The following STARD9 variants were observed in gnomAD, a reference collection of about 807,000 sequenced individuals.
STARD9 encodes StAR related lipid transfer domain containing 9.
STARD9 carries 346 observed loss-of-function variants against 399.8 expected under a neutral mutation model. The ratio of observed to expected loss-of-function variants is 0.87; its 90% CI spans 0.79 to 0.95. The LOEUF is 0.95. STARD9 is among the 40% of genes least tolerant of loss of function. The pLI, the probability that STARD9 is intolerant of heterozygous loss-of-function variation, is 0.00. For synonymous variants in STARD9, 2,203 were observed against 2,143.5 expected, an observed-to-expected ratio of 1.03 and a Z score of -0.77; for missense variants, 5,832 against 5,667.5, an observed-to-expected ratio of 1.03 and a Z score of -0.93.
chr15:42,665,908 C>G, intron 15 of STARD9, 60 bp downstream of exon 15: 1 of 1,404,286 alleles, frequency 7.1e-7, no homozygotes, highest in Non-Finnish European at 9.7e-7. Flanking sequence ...CTCCATTATT[C>G]CGGAGCTAGG....
chr15:42,687,531 C>T lies in STARD9; in HGVS notation c.5953C>T (p.Leu1985Phe). 1 of 1,537,004 alleles carries T rather than the reference C, an allele frequency of 6.5e-7. No individual in the cohort carries two copies. Among genetic ancestry groups the T allele is most frequent in the African/African-American group, 1.4e-5 (1 of 73,168 alleles). Reference protein sequence around the residue: ...KNETGLLEKGLRPKDSSEEFK... With the variant: ...KNETGLLEKGFRPKDSSEEFK... The stretch of plus-strand genomic sequence containing the variant: ...TGAAACTGGGCTTCTTGAAAAAGGT[C>T]TTCGTCCCAAAGATAGCTCAGAAGA... Residue 1985 changes from leucine to phenylalanine, a missense_variant, in exon 23 of 33, where the codon CTT becomes TTT. Coordinates refer to ENST00000290607, the MANE Select transcript of STARD9 (RefSeq NM_020759.3).
chr15:42,601,390 G>A (rs2058622026), intron 3 of STARD9, among the ~76,000 whole-genome samples: 1 of 151,944 alleles, frequency 6.6e-6, no homozygotes, highest in Admixed American at 6.6e-5. Context: ...TACACCTCCC[G>A]ACGGGGTGGC....
chr15:42,709,147 G>A (rs141445309), intron 26 of STARD9, among the ~76,000 whole-genome samples: 2 of 152,090 alleles, frequency 1.3e-5, no homozygotes, highest in African/African-American at 2.4e-5. Flanking sequence ...TGTAATCCCA[G>A]TGCTTTGGAA....
rs1437654280 is a variant in STARD9, at chr15:42,686,437, A to C, written c.4859A>C (p.Glu1620Ala). 5 of 1,537,772 alleles carry C rather than the reference A, an allele frequency of 3.3e-6. No homozygotes were observed. Among genetic ancestry groups the C allele is most frequent in the Non-Finnish European group, 4.4e-6 (5 of 1,147,032 alleles). ...TENAIPDSMT[E>A]ACEVKQNNLE... ...AACGCGATACCAGATTCCATGACAG[A>C]AGCATGTGAAGTCAAGCAGAACAAC... is the stretch of plus-strand genomic sequence containing the variant. Residue 1620 changes from glutamate to alanine, a missense_variant, in exon 23 of 33, where the codon GAA (glutamate) becomes GCA (alanine). Glu to Ala is a moderately radical substitution (Grantham distance 107). Around this residue, in one of 2 missense-constraint regions of STARD9, gnomAD observed 5,828 missense variants for 5,651.1 expected, o/e 1.03. Coordinates refer to ENST00000290607, the MANE Select transcript of STARD9 (RefSeq NM_020759.3).
chr15:42,650,129 C>G (rs1566903775), intron 7 of STARD9, among the ~76,000 whole-genome samples: 1 of 152,132 alleles, frequency 6.6e-6, no homozygotes, highest in Non-Finnish European at 1.5e-5. Flanking sequence ...TCCCAAAGTG[C>G]TGGGATTACA....
chr15:42,682,366 CA>C lies in STARD9; in HGVS notation c.2333del (p.Lys778SerfsTer48). 2.6e-6 allele frequency: 4 copies of C among 1,537,248 alleles called. No individual in the cohort carries two copies. The highest frequency in any genetic ancestry group is 3.5e-6 in the Non-Finnish European group (4 of 1,146,902). Reference sequence around the variant, plus strand: ...TCTCATTCCAGCTAGAGAGAATCATCAAAAAGCAGAGGCTGCTGGAGGCCCA... The same window carrying C: ...TCTCATTCCAGCTAGAGAGAATCATCAAAAGCAGAGGCTGCTGGAGGCCCA... ...KVSFQLERII[K>X]KQRLLEAQKR... On this transcript the variant is annotated frameshift_variant, in exon 22 of 33. Transcript: ENST00000290607. LOFTEE classifies it high-confidence loss of function.
chr15:42,654,780 G>A (rs2059831702), intron 9 of STARD9, among the ~76,000 whole-genome samples: 1 of 152,126 alleles, frequency 6.6e-6, no homozygotes, highest in Non-Finnish European at 1.5e-5. Flanking sequence ...AATCATATAT[G>A]ACACAAACAA....
chr15:42,680,935 A>G (rs1033736309), intron 20 of STARD9, among the ~76,000 whole-genome samples: 1 of 152,188 alleles, frequency 6.6e-6, no homozygotes, highest in Non-Finnish European at 1.5e-5. Context: ...TTTTGCTACC[A>G]GATCACAGAG....
Position 42,693,636 on chromosome 15 carries a change from C to CT in STARD9, c.12059dup (p.Arg4021GlufsTer14). 6.5e-7 allele frequency: 1 copy of CT among 1,537,274 alleles called. No individual in the cohort carries two copies. The highest frequency in any genetic ancestry group is 1.2e-5 in the South Asian group (1 of 84,062). On this transcript the variant is annotated frameshift_variant, in exon 23 of 33. Transcript: ENST00000290607. LOFTEE classifies it high-confidence loss of function. ...CCAAAGCAGACTGCTGCCACCACCA[C>CT]TGAGGCACAGGAGCCAAAGGCTGGG...
At chr15:42,581,557 T>G (rs1377660364) in intron 1 of STARD9, 1 of 1,073,790 alleles carries the variant, frequency 9.3e-7, no homozygotes, top group African/African-American at 1.6e-5. Flanking sequence ...CTGCTCCAGC[T>G]CCTAGGGCGG....
chr15:42,634,732 T>C, intron 3 of STARD9, 124 bp from the exon 4 acceptor site: 2 of 533,536 alleles, frequency 3.7e-6, no homozygotes, highest in Non-Finnish European at 6.5e-6. Flanking sequence ...TCTTATGAAA[T>C]GGTAGTGAAT....
chr15:42,705,949 C>T (rs2061067844), intron 26 of STARD9, among the ~76,000 whole-genome samples: 1 of 151,896 alleles, frequency 6.6e-6, no homozygotes, highest in South Asian at 2.1e-4. Context: ...GATGGGGTTT[C>T]ACCATGTTGG....
In STARD9 at chr15:42,681,469, A is replaced by G. The variant is rs2140203186; in HGVS notation, c.1922A>G (p.Asp641Gly). The change falls in exon 21 of 33, where the codon GAT becomes GGT. Residue 641 changes from aspartate (D) to glycine (G), a missense_variant. This residue lies in a region of STARD9 where 5,828 missense variants were observed against 5,651.1 expected (regional missense o/e 1.03). Coordinates refer to ENST00000290607, the MANE Select transcript of STARD9 (RefSeq NM_020759.3). ...GACGAGGACCATCAGACACCGAGGG[A>G]TGGAGAGACATCCCACAGGGCCCAG... is the stretch of plus-strand genomic sequence containing the variant. The part of the protein sequence containing the change: ...QCDEDHQTPR[D>G]GETSHRAQIQ... The G allele has an allele frequency of 1.3e-6, 2 of 1,537,216 alleles. No homozygotes were observed. Among genetic ancestry groups the G allele is most frequent in the Non-Finnish European group, 1.7e-6 (2 of 1,146,886 alleles).
intron 26 of STARD9, among the ~76,000 whole-genome samples, chr15:42,700,118 T>C (rs927920561): frequency 2.0e-5 from 3 of 152,234 alleles, no homozygotes; most frequent in African/African-American, 7.2e-5. Flanking sequence ...CAGAATTTTA[T>C]TCTGTTTTAT....
At chr15:42,606,988 C>G (rs142686033) in intron 3 of STARD9, among the ~76,000 whole-genome samples, 1 of 152,044 alleles carries the variant, frequency 6.6e-6, no homozygotes, top group Non-Finnish European at 1.5e-5. Flanking sequence ...CACTCTGTCT[C>G]CCAGGCTGGA....
chr15:42,692,669 T>G lies in STARD9; in HGVS notation c.11091T>G (p.Ser3697Arg), dbSNP rs148699829. The G allele has an allele frequency of 3.3e-6, 5 of 1,536,746 alleles. No homozygotes were observed. The East Asian group carries it at 1.2e-4, about 38-fold the overall frequency. Residue 3697 changes from serine to arginine, a missense_variant, in exon 23 of 33, where the codon AGT becomes AGG. Physicochemically the swap from Ser to Arg is moderately radical, Grantham distance 110 (BLOSUM62 -1). Transcript: ENST00000290607. ...LLHSTSELLG[S>R]LSQPDVARRE... ...ACAGTACCTCAGAGCTGCTTGGGAG[T>G]CTCTCCCAGCCAGATGTGGCCAGAA...
intron 9 of STARD9, 76 bp from the exon 10 acceptor site, chr15:42,661,082 C>A: frequency 9.0e-7 from 1 of 1,106,566 alleles, no homozygotes; most frequent in Non-Finnish European, 1.3e-6. Flanking sequence ...AAAATATCAC[C>A]TTGGTTAGAA....
At chr15:42,636,165 C>T (rs1441677899) in intron 4 of STARD9, among the ~76,000 whole-genome samples, 2 of 152,054 alleles carry the variant, frequency 1.3e-5, no homozygotes, top group Non-Finnish European at 2.9e-5. Context: ...GGTGTGGGGG[C>T]ACATCCTGTG....
intron 7 of STARD9, among the ~76,000 whole-genome samples, chr15:42,649,415 G>C (rs1031150502): frequency 3.3e-5 from 5 of 151,998 alleles, no homozygotes; most frequent in African/African-American, 4.8e-5. Flanking sequence ...TCTTTCTTCA[G>C]CTATGTCTAA....
Sources: allele counts gnomAD v4.1 joint callset (sites outside exome capture counted in the v4.1 genomes callset), GRCh38; gene constraint gnomAD v4.1.1; regional missense constraint gnomAD v4.1.1; transcripts MANE v1.5; gene names NCBI Gene and HGNC (gene_info 2026-07-23, HGNC 2026-07-21).